IGF2BP1: variants seen among roughly 807,000 people sequenced by gnomAD.
IGF2BP1 encodes insulin like growth factor 2 mRNA binding protein 1.
Under a neutral mutation model 74.9 loss-of-function variants are expected in IGF2BP1, and 11 were observed. The observed-to-expected ratio is 0.15, with a 90% CI of 0.09 to 0.24. IGF2BP1 has a LOEUF of 0.24. Among genes scored for constraint, IGF2BP1 ranks in the 10% least tolerant of loss-of-function variants. IGF2BP1 has a pLI of 1.00. For synonymous variants in IGF2BP1, 287 were observed against 281.8 expected (o/e 1.02, Z -0.18); for missense variants, 440 against 757.4 (o/e 0.58, Z 4.92).
chr17:49,038,719 C>G (rs2144115804), intron 6 of IGF2BP1, among the ~76,000 whole-genome samples: 1 of 152,170 alleles, frequency 6.6e-6, no homozygotes, highest in East Asian at 1.9e-4. Flanking sequence ...TAAAAAAAGT[C>G]TCCAAGCAAA....
intron 2 of IGF2BP1, among the ~76,000 whole-genome samples, chr17:49,002,751 G>A (rs1393679530): frequency 6.7e-6 from 1 of 148,440 alleles, no homozygotes; most frequent in Non-Finnish European, 1.5e-5. Flanking sequence ...TGAATGTTAA[G>A]TTTTTGTGCA....
At chr17:49,037,876 C>G (rs1020394777) in intron 5 of IGF2BP1, among the ~76,000 whole-genome samples, 1 of 152,180 alleles carries the variant, frequency 6.6e-6, no homozygotes, top group African/African-American at 2.4e-5. Flanking sequence ...CCTATACTTT[C>G]TATTGGACTG....
chr17:49,024,901 A>G (rs2041833001), intron 2 of IGF2BP1, among the ~76,000 whole-genome samples: 3 of 152,222 alleles, frequency 2.0e-5, no homozygotes. Flanking sequence ...AATTAATAAT[A>G]ATGTCTTGGG....
Position 49,001,655 on chromosome 17 carries a change from A to G in IGF2BP1, c.236+2486A>G, listed in dbSNP as rs1454046080. ...TGAATTTTTAAAATGAGGTGATACT[A>G]ATTTCTTAGAGATCACCATCTCAAA... On this transcript the variant is annotated intron_variant, in intron 2 of 14. Coordinates refer to ENST00000290341, the MANE Select transcript of IGF2BP1 (RefSeq NM_006546.4). Among the ~76,000 whole-genome samples the G allele has an allele frequency of 2.0e-5, 3 of 152,154 alleles. No homozygotes were observed. In the South Asian group the frequency reaches 6.2e-4, roughly 31 times the overall value.
chr17:49,014,578 G>C (rs1375690177), intron 2 of IGF2BP1, among the ~76,000 whole-genome samples: 2 of 152,016 alleles, frequency 1.3e-5, no homozygotes, highest in African/African-American at 4.8e-5. Context: ...GGCCACGTTG[G>C]GGCCCTTGTC....
At chr17:49,040,866 G>A (rs1283377347) in intron 7 of IGF2BP1, among the ~76,000 whole-genome samples, 1 of 152,188 alleles carries the variant, frequency 6.6e-6, no homozygotes, top group African/African-American at 2.4e-5. Context: ...AGTGATGCAA[G>A]GAATCTGCTT....
chr17:49,011,248 G>A (rs147901494), intron 2 of IGF2BP1, among the ~76,000 whole-genome samples: 103 of 151,836 alleles, frequency 6.8e-4, no homozygotes, highest in African/African-American at 2.4e-3. Context: ...GAAGAGGGAG[G>A]CATTCAGTGA....
intron 2 of IGF2BP1, among the ~76,000 whole-genome samples, chr17:49,025,327 T>C (rs905145241): frequency 4.0e-5 from 6 of 148,432 alleles, no homozygotes; most frequent in African/African-American, 1.5e-4. Context: ...TGTGTGTGTG[T>C]GTGTGTGTGT....
chr17:49,013,293 C>T (rs2041644392), intron 2 of IGF2BP1, among the ~76,000 whole-genome samples: 1 of 152,192 alleles, frequency 6.6e-6, no homozygotes, highest in Non-Finnish European at 1.5e-5. Context: ...TGGAGCTTCC[C>T]AGAAGGCCTT....
chr17:49,043,292 G>C (rs1165788548), intron 9 of IGF2BP1, 136 bp from the exon 10 acceptor site: 1 of 976,752 alleles, frequency 1.0e-6, no homozygotes, highest in Non-Finnish European at 1.5e-6. Flanking sequence ...GCACAGAATA[G>C]GCTTTTGTGG....
At chr17:49,006,864 C>T (rs1475970626) in intron 2 of IGF2BP1, among the ~76,000 whole-genome samples, 1 of 152,208 alleles carries the variant, frequency 6.6e-6, no homozygotes, top group Non-Finnish European at 1.5e-5. Flanking sequence ...TCCCCCAGTA[C>T]ATTCTCTGAG....
chr17:49,021,480 A>T (rs1454935469), intron 2 of IGF2BP1, among the ~76,000 whole-genome samples: 1 of 152,068 alleles, frequency 6.6e-6, no homozygotes, highest in African/African-American at 2.4e-5. Context: ...AGTCCTCAAT[A>T]GCTGCTATGT....
rs2042187229 is a variant in IGF2BP1 at position 49,053,196 on chromosome 17, T to C, written c.*3752T>C. ...AGCTATCCTTGTTTATGCCTCACTA[T>C]TGGCAGAAAAGACCCCATTTAAAAC... On this transcript the variant is annotated 3_prime_UTR_variant, in exon 15 of 15. Transcript: ENST00000290341. 2 of 152,682 alleles carry C rather than the reference T, an allele frequency of 1.3e-5. No individual in the cohort carries two copies. The highest frequency in any genetic ancestry group is 2.9e-5 in the Non-Finnish European group (2 of 68,078). The allele number at this position is 152,682 out of a possible 1,614,324, so 9.5% of individuals were successfully genotyped here. A position where few individuals can be genotyped will look rare whatever the true frequency, so the allele number is the denominator to read the frequency against.
intron 1 of IGF2BP1, 104 bp from the exon 2 acceptor site, chr17:48,999,005 A>G: frequency 2.8e-6 from 2 of 711,066 alleles, no homozygotes; most frequent in Non-Finnish European, 4.9e-6. Context: ...GAAGATCTCG[A>G]ATCCCAGTAA....
At chr17:49,014,908 C>T (rs1477789489) in intron 2 of IGF2BP1, 2 of 985,210 alleles carry the variant, frequency 2.0e-6, no homozygotes, top group East Asian at 1.1e-4. Context: ...AGAGGGCCAC[C>T]TCGGCTGTTC....
At chr17:49,011,432 G>A (rs376834273) in intron 2 of IGF2BP1, among the ~76,000 whole-genome samples, 4 of 152,206 alleles carry the variant, frequency 2.6e-5, no homozygotes, top group African/African-American at 7.2e-5. Context: ...TTACTTCACC[G>A]AATTTCCCAA....
chr17:49,017,782 G>A (rs985314703), intron 2 of IGF2BP1: 1 of 151,260 alleles, frequency 6.6e-6, no homozygotes, highest in Admixed American at 6.6e-5. Flanking sequence ...CTAATGTTTT[G>A]TATTTTTAGT....
chr17:49,021,649 C>A (rs991603998), intron 2 of IGF2BP1, among the ~76,000 whole-genome samples: 1 of 152,310 alleles, frequency 6.6e-6, no homozygotes, highest in Non-Finnish European at 1.5e-5. Context: ...TTGCCAGGGG[C>A]TGGTTGCTTC....
chr17:49,042,985 A>G (rs2042069018), intron 9 of IGF2BP1, among the ~76,000 whole-genome samples: 1 of 152,170 alleles, frequency 6.6e-6, no homozygotes, highest in African/African-American at 2.4e-5. Context: ...CACACAACTC[A>G]TCTGATTTTT....
Sources: allele counts gnomAD v4.1 joint callset (sites outside exome capture counted in the v4.1 genomes callset), GRCh38; gene constraint gnomAD v4.1.1; transcripts MANE v1.5; gene names NCBI Gene and HGNC (gene_info 2026-07-23, HGNC 2026-07-21).